Variants in SLC48A1 observed in about 807,000 individuals in gnomAD.
The protein encoded by SLC48A1 is heme transporter HRG1.
SLC48A1 carries 6 observed loss-of-function variants against 14.8 expected under a neutral mutation model. That is an observed-to-expected ratio of 0.41 (90% confidence interval 0.22 to 0.80). The LOEUF is 0.80. SLC48A1 is among the 30% of genes least tolerant of loss of function. SLC48A1 has a pLI of 0.34. For missense variants in SLC48A1, 165 were observed against 204.8 expected (o/e 0.81, Z 1.19); for synonymous variants, 89 against 90.0 (o/e 0.99, Z 0.06).
chr12:47,768,140 G>A (rs1236379968), upstream of SLC48A1, among the ~76,000 whole-genome samples: 2 of 152,118 alleles, frequency 1.3e-5, no homozygotes, highest in Non-Finnish European at 2.9e-5. Context: ...ACCACGCCTG[G>A]TTAATTTTTG....
rs1465712553 is a variant in SLC48A1 at position 47,760,138 on chromosome 12, C to G, written c.-372-78C>G. The G allele has an allele frequency of 6.6e-6, 6 of 902,422 alleles. No homozygotes were observed. The African/African-American group carries it at 1.1e-4, about 16-fold the overall frequency. 55.9% of individuals were successfully genotyped at this position (902,422 alleles called of 1,614,324 possible). ...TGTTTCCCAGAAGCTTACTAAAATG[C>G]AGGCTCCGTCCCCAGCAATTCATAT... On this transcript the variant is annotated intron_variant, in intron 1 of 4. Transcript: ENST00000547002.
upstream of SLC48A1, chr12:47,769,359 T>C (rs1942580406): frequency 6.6e-6 from 1 of 152,446 alleles, no homozygotes; most frequent in African/African-American, 2.4e-5. Flanking sequence ...GTGTACTCTC[T>C]GAGAATACCT....
chr12:47,780,557 CTTTTTTTTTTCTT>C lies in SLC48A1; in HGVS notation c.*287_*299del. 8.9e-6 allele frequency: 5 copies of C among 560,126 alleles called. No individual in the cohort carries two copies. Among genetic ancestry groups the C allele is most frequent in the Non-Finnish European group, 1.6e-5 (5 of 303,066 alleles). The allele number at this position is 560,126 out of a possible 1,614,324, so 34.7% of individuals were successfully genotyped here. On this transcript the variant is annotated 3_prime_UTR_variant, in exon 3 of 3. Coordinates refer to ENST00000442218, the MANE Select transcript of SLC48A1 (RefSeq NM_017842.3). ...CAAATGAATCTGTTTTCTTTTCTTTCTTTTTTTTTTCTTTTTTTTTTTTTTTTGAGATGGAGTC... is the reference window on the plus strand; with the variant it reads ...CAAATGAATCTGTTTTCTTTTCTTTCTTTTTTTTTTTTTTGAGATGGAGTC...
upstream of SLC48A1, chr12:47,770,727 C>T (rs1942611233): frequency 2.3e-6 from 1 of 437,102 alleles, no homozygotes; most frequent in Non-Finnish European, 4.6e-6. Flanking sequence ...GAGTTTTCTC[C>T]CCCAGCCCCA....
At position 47,779,195 on chromosome 12, in the gene SLC48A1, A is replaced by C. The variant is rs1250521354; in HGVS notation, c.304A>C (p.Ser102Arg). Residue 102 changes from serine to arginine, a missense_variant and splice_region_variant, in exon 2 of 3, where the codon AGC becomes CGC. Coordinates refer to ENST00000442218, the MANE Select transcript of SLC48A1 (RefSeq NM_017842.3). ...CGTGCTGGCCATCACCCGGCATCAG[A>C]GTGAGGGCGGGTCCCAGGGAAAGAG... ...FLVLAITRHQSLTDPTSYYLS... is the reference protein window; with the variant it reads ...FLVLAITRHQRLTDPTSYYLS... 10 of 1,550,536 alleles carry C rather than the reference A, an allele frequency of 6.4e-6. No individual in the cohort carries two copies. In the African/African-American group the frequency reaches 8.2e-5, roughly 13 times the overall value.
intron 2 of SLC48A1, among the ~76,000 whole-genome samples, chr12:47,766,045 G>A (rs1186871342): frequency 6.6e-6 from 1 of 152,136 alleles, no homozygotes; most frequent in Non-Finnish European, 1.5e-5. Context: ...GAAGTATCAT[G>A]AGATGTGGCC....
At chr12:47,773,041 A>C, upstream of SLC48A1, 6 of 291,586 alleles carry the variant, frequency 2.1e-5, no homozygotes, top group Non-Finnish European at 2.6e-5. Context: ...GGGTCTGGGG[A>C]TGGGCCCAGG....
intron 1 of SLC48A1, among the ~76,000 whole-genome samples, chr12:47,759,432 C>G (rs1159072501): frequency 3.6e-5 from 3 of 82,490 alleles, no homozygotes; most frequent in Non-Finnish European, 5.3e-5. Flanking sequence ...CACACACACA[C>G]CGGGAGCAGT....
chr12:47,780,000 A>G (rs1942832224), intron 2 of SLC48A1, 145 bp from the exon 3 acceptor site: 1 of 1,056,246 alleles, frequency 9.5e-7, no homozygotes, highest in Non-Finnish European at 1.3e-6. Flanking sequence ...TAAAACCTCC[A>G]TCACAGTGTC....
intron 1 of SLC48A1, chr12:47,760,138 C>T (rs1465712553): frequency 4.4e-6 from 4 of 902,536 alleles, no homozygotes; most frequent in Non-Finnish European, 5.3e-6. Context: ...TACTAAAATG[C>T]AGGCTCCGTC....
upstream of SLC48A1, among the ~76,000 whole-genome samples, chr12:47,772,922 A>C (rs1005030513): frequency 3.5e-4 from 54 of 152,346 alleles, no homozygotes; most frequent in African/African-American, 1.2e-3. Flanking sequence ...TTTTAATTTT[A>C]AACGAAAATA....
intron 2 of SLC48A1, among the ~76,000 whole-genome samples, chr12:47,761,611 G>T (rs1367016943): frequency 6.6e-6 from 1 of 152,226 alleles, no homozygotes; most frequent in Non-Finnish European, 1.5e-5. Flanking sequence ...TTTGATCAAG[G>T]CTGAGGCCTA....
At chr12:47,760,191 T>C in intron 1 of SLC48A1, 1 of 985,352 alleles carries the variant, frequency 1.0e-6, no homozygotes, top group Non-Finnish European at 1.2e-6. Flanking sequence ...AAATGGAAAA[T>C]CTGTATTTGG....
intron 1 of SLC48A1, among the ~76,000 whole-genome samples, chr12:47,759,469 G>A (rs1158992502): frequency 1.3e-5 from 2 of 152,244 alleles, no homozygotes; most frequent in Non-Finnish European, 2.9e-5. Flanking sequence ...GGAGAGGAAG[G>A]ACTGCTCTCC....
At chr12:47,755,495 A>G (rs1264575636), upstream of SLC48A1, among the ~76,000 whole-genome samples, 1 of 152,206 alleles carries the variant, frequency 6.6e-6, no homozygotes, top group Non-Finnish European at 1.5e-5. Context: ...TCCCTGAGCT[A>G]GTAGAACCCA....
chr12:47,766,681 C>T (rs988085914), upstream of SLC48A1, among the ~76,000 whole-genome samples: 12 of 152,296 alleles, frequency 7.9e-5, no homozygotes, highest in Middle Eastern at 3.4e-3. Flanking sequence ...GGCCACCTGC[C>T]TCTGATGCTT....
At chr12:47,764,389 G>A (rs1942464117) in intron 2 of SLC48A1, among the ~76,000 whole-genome samples, 1 of 152,184 alleles carries the variant, frequency 6.6e-6, no homozygotes, top group African/African-American at 2.4e-5. Context: ...TGTCTTAAGT[G>A]CTCCCATCTT....
intron 2 of SLC48A1, among the ~76,000 whole-genome samples, chr12:47,779,479 G>A (rs1412174238): frequency 1.3e-5 from 2 of 152,198 alleles, no homozygotes; most frequent in African/African-American, 2.4e-5. Context: ...GGATGGGAGC[G>A]CCCTCTGGTG....
In SLC48A1 at chr12:47,782,094, T is replaced by TC. The variant is rs948143590; in HGVS notation, c.*1815dup. 1.3e-5 allele frequency: 2 copies of TC among 152,270 alleles called. No individual in the cohort carries two copies. Among genetic ancestry groups the TC allele is most frequent in the African/African-American group, 4.8e-5 (2 of 41,464 alleles). 9.4% of individuals were successfully genotyped at this position (152,270 alleles called of 1,614,324 possible). A position where few individuals can be genotyped will look rare whatever the true frequency, so the allele number is the denominator to read the frequency against. Reference sequence around the variant, plus strand: ...GTCTAAGGTAATGAGGTGCTCCTCTTCCTGCTGGAAAAACCGGACAGACTC... The same window carrying TC: ...GTCTAAGGTAATGAGGTGCTCCTCTTCCCTGCTGGAAAAACCGGACAGACTC... On this transcript the variant is annotated 3_prime_UTR_variant, in exon 3 of 3. Coordinates refer to ENST00000442218, the MANE Select transcript of SLC48A1 (RefSeq NM_017842.3).
Sources: gnomAD v4.1 joint callset for allele counts (sites outside exome capture counted in the v4.1 genomes callset) on GRCh38, gnomAD v4.1.1 for gene constraint, MANE v1.5 for transcripts, NCBI Gene and HGNC (gene_info 2026-07-23, HGNC 2026-07-21) for gene names.